The following SYTL5 variants were observed in gnomAD, a reference collection of about 807,000 sequenced individuals.
SYTL5 encodes synaptotagmin-like protein 5.
SYTL5 carries 34 observed loss-of-function variants against 55.9 expected under a neutral mutation model. The ratio of observed to expected loss-of-function variants is 0.61; its 90% CI spans 0.46 to 0.81. The LOEUF is 0.81. Among genes scored for constraint, SYTL5 ranks in the 30% least tolerant of loss-of-function variants. The pLI, the probability that SYTL5 is intolerant of heterozygous loss-of-function variation, is 0.00. For synonymous variants in SYTL5, 221 were observed against 188.7 expected (o/e 1.17, Z -1.40); for missense variants, 637 against 546.7 (o/e 1.17, Z -1.65).
intron 9 of SYTL5, among the ~76,000 whole-genome samples, chrX:38,099,905 C>T (rs1397268673): frequency 1.8e-5 from 2 of 111,406 alleles, no homozygotes; most frequent in Non-Finnish European, 3.8e-5. Flanking sequence ...ACCATCCTTG[C>T]ATTCCAAGGA....
the SYTL5 span, among the ~76,000 whole-genome samples, chrX:37,914,900 A>C: frequency 9.0e-6 from 1 of 111,565 alleles, no homozygotes; most frequent in Non-Finnish European, 1.9e-5. Context: ...TGTGTTGTTA[A>C]GTATATTGTA....
chrX:37,946,407 C>A, the SYTL5 span: 1 of 198,339 alleles, frequency 5.0e-6, no homozygotes, highest in South Asian at 7.3e-5. Context: ...TCATAAAATT[C>A]ATCATGAGTT....
the SYTL5 span, among the ~76,000 whole-genome samples, chrX:37,912,526 G>A: frequency 1.8e-5 from 2 of 111,588 alleles, no homozygotes; most frequent in East Asian, 5.6e-4. Context: ...TGTTGTGGGT[G>A]TGAGTCAGCA....
At chrX:37,891,489 G>A in the SYTL5 span, among the ~76,000 whole-genome samples, 103 of 111,619 alleles carry the variant, frequency 9.2e-4, no homozygotes, top group Admixed American at 2.6e-3. Flanking sequence ...AAAAATGAGA[G>A]GTAACTGCTG....
intron 3 of SYTL5, among the ~76,000 whole-genome samples, chrX:38,066,266 G>A (rs1274583095): frequency 9.0e-6 from 1 of 111,512 alleles, no homozygotes; most frequent in Non-Finnish European, 1.9e-5. Flanking sequence ...GAATCTTTTG[G>A]TCATTATTCT....
chrX:37,967,331 C>A, the SYTL5 span, among the ~76,000 whole-genome samples: 1 of 111,718 alleles, frequency 9.0e-6, no homozygotes, highest in African/African-American at 3.3e-5. Context: ...GGATTACAGG[C>A]GTGAGCCACC....
chrX:38,069,382 A>G (rs1461545209), intron 3 of SYTL5, among the ~76,000 whole-genome samples: 4 of 111,831 alleles, frequency 3.6e-5, no homozygotes, highest in Non-Finnish European at 5.7e-5. Flanking sequence ...TCTTTTTTCT[A>G]TAAAGAGATT....
At chrX:38,076,245 C>T (rs777613440) in intron 5 of SYTL5, among the ~76,000 whole-genome samples, 1 of 112,065 alleles carries the variant, frequency 8.9e-6, no homozygotes, top group African/African-American at 3.2e-5. Context: ...TCTATTCTCA[C>T]TATTCCTGCA....
chrX:38,036,380 T>C (rs893244699), intron 2 of SYTL5, among the ~76,000 whole-genome samples: 1 of 111,414 alleles, frequency 9.0e-6, no homozygotes, highest in Non-Finnish European at 1.9e-5. Context: ...TCTTCCCTAG[T>C]CTTCTTTCCT....
At chrX:37,965,163 C>T in the SYTL5 span, among the ~76,000 whole-genome samples, 2 of 111,037 alleles carry the variant, frequency 1.8e-5, no homozygotes, top group Admixed American at 9.6e-5. Context: ...AGGTTGTTTT[C>T]GAGAAACCTT....
chrX:38,122,378 G>T (rs771173021), intron 15 of SYTL5, among the ~76,000 whole-genome samples, 163 bp downstream of exon 15: 2 of 112,042 alleles, frequency 1.8e-5, no homozygotes, highest in African/African-American at 6.5e-5. Flanking sequence ...AATAACACAA[G>T]TGTTGAGGGA....
chrX:38,098,807 A>G (rs1432807618), intron 9 of SYTL5, among the ~76,000 whole-genome samples: 1 of 111,164 alleles, frequency 9.0e-6, no homozygotes, highest in African/African-American at 3.3e-5. Flanking sequence ...ATGGAATACA[A>G]TGATATATTA....
intron 8 of SYTL5, 24 bp from the exon 9 acceptor site, chrX:38,096,106 GTCTT>G: frequency 2.2e-6 from 2 of 907,773 alleles, no homozygotes; most frequent in Non-Finnish European, 3.1e-6. Context: ...GCTGACTCAC[GTCTT>G]TCTTTTTCCT....
the SYTL5 span, among the ~76,000 whole-genome samples, chrX:37,936,453 T>C: frequency 5.4e-5 from 6 of 112,117 alleles, no homozygotes; most frequent in Admixed American, 2.8e-4. Flanking sequence ...CTGAGGAGGC[T>C]GAGGAGTTCA....
At chrX:37,970,872 A>G in the SYTL5 span, among the ~76,000 whole-genome samples, 1 of 112,408 alleles carries the variant, frequency 8.9e-6, no homozygotes, top group Non-Finnish European at 1.9e-5. Context: ...TATAGTTTAT[A>G]ACCCTTATGG....
At chrX:37,927,552 G>A in the SYTL5 span, among the ~76,000 whole-genome samples, 1 of 110,206 alleles carries the variant, frequency 9.1e-6, no homozygotes, top group Non-Finnish European at 1.9e-5. Flanking sequence ...GAGGCGGGCG[G>A]ATCACAAGGT....
intron 1 of SYTL5, among the ~76,000 whole-genome samples, chrX:38,014,192 C>A (rs762235540): frequency 8.9e-5 from 10 of 112,496 alleles, no homozygotes; most frequent in Admixed American, 1.9e-4. Context: ...CACACACACA[C>A]ACCTGTGTGT....
At chrX:38,108,514 G>C (rs1937270839) in intron 11 of SYTL5, 86 bp from the exon 12 acceptor site, 4 of 678,087 alleles carry the variant, frequency 5.9e-6, no homozygotes, top group Non-Finnish European at 9.1e-6. Flanking sequence ...CTGGCCCTTT[G>C]CCCCTTTTAT....
the SYTL5 span, among the ~76,000 whole-genome samples, chrX:37,997,367 GA>G: frequency 9.7e-3 from 1,092 of 112,620 alleles, 7 homozygotes; most frequent in Middle Eastern, 0.037. Context: ...GAGCAGGCAG[GA>G]GTCCTGCCCT....
Sources: allele counts gnomAD v4.1 joint callset (sites outside exome capture counted in the v4.1 genomes callset), GRCh38; gene constraint gnomAD v4.1.1; transcripts MANE v1.5; gene names NCBI Gene and HGNC (gene_info 2026-07-23, HGNC 2026-07-21).